TRMT11: variants seen among roughly 807,000 people sequenced by gnomAD.
TRMT11 encodes tRNA methyltransferase 11, also known as tRNA (guanine(10)-N(2))-methyltransferase TRMT11.
TRMT11 carries 53 observed loss-of-function variants against 62.8 expected under a neutral mutation model. That is an observed-to-expected ratio of 0.84 (90% confidence interval 0.68 to 1.06). The LOEUF (loss-of-function observed/expected upper bound fraction) is 1.06. TRMT11 is among the 50% of genes least tolerant of loss of function. TRMT11 has a pLI of 0.00. For synonymous variants in TRMT11, 188 were observed against 190.3 expected (o/e 0.99, Z 0.10); for missense variants, 556 against 553.4 (o/e 1.00, Z -0.05).
intron 17 of TRMT11, among the ~76,000 whole-genome samples, chr6:126,059,570 A>G (rs1344235283): frequency 6.6e-6 from 1 of 152,236 alleles, no homozygotes; most frequent in Non-Finnish European, 1.5e-5. Flanking sequence ...ACATTGTGAT[A>G]AGTGCATTTT....
At chr6:126,020,473 T>G (rs1795657501) in intron 11 of TRMT11, among the ~76,000 whole-genome samples, 1 of 152,162 alleles carries the variant, frequency 6.6e-6, no homozygotes, top group Admixed American at 6.5e-5. Context: ...TTTCTAGACA[T>G]TGTCATCATC....
chr6:126,202,494 G>C (rs905342764), downstream of TRMT11, among the ~76,000 whole-genome samples: 1 of 152,090 alleles, frequency 6.6e-6, no homozygotes, highest in Non-Finnish European at 1.5e-5. Flanking sequence ...ACCACAAAAA[G>C]CTTTGGCTTG....
intron 21 of TRMT11, among the ~76,000 whole-genome samples, chr6:126,143,807 G>A (rs1007893008): frequency 6.6e-6 from 1 of 152,080 alleles, no homozygotes; most frequent in Non-Finnish European, 1.5e-5. Context: ...TAAGCTTTGT[G>A]CTGATAAGTG....
chr6:126,178,327 T>C (rs1401885227), intron 1 of TRMT11, among the ~76,000 whole-genome samples: 1 of 152,022 alleles, frequency 6.6e-6, no homozygotes, highest in Non-Finnish European at 1.5e-5. Flanking sequence ...TGTGGGAGAG[T>C]TCTGAAGGGC....
chr6:126,215,625 G>C, the TRMT11 span, among the ~76,000 whole-genome samples: 1 of 151,778 alleles, frequency 6.6e-6, no homozygotes, highest in Non-Finnish European at 1.5e-5. Context: ...GCTGATTCCT[G>C]GTTTTTTATC....
intron 21 of TRMT11, among the ~76,000 whole-genome samples, chr6:126,152,935 G>A (rs1218616689): frequency 6.6e-6 from 1 of 152,178 alleles, no homozygotes; most frequent in Non-Finnish European, 1.5e-5. Context: ...GGTTTTCAGA[G>A]ACCCGGAGTC....
At chr6:126,119,058 C>T (rs377249060) in intron 21 of TRMT11, among the ~76,000 whole-genome samples, 2 of 152,040 alleles carry the variant, frequency 1.3e-5, no homozygotes, top group Admixed American at 1.3e-4. Flanking sequence ...GATCCAAATC[C>T]CTGGGTCCAA....
At chr6:126,089,684 G>T (rs1484156358) in intron 17 of TRMT11, among the ~76,000 whole-genome samples, 1 of 151,794 alleles carries the variant, frequency 6.6e-6, no homozygotes, top group East Asian at 1.9e-4. Context: ...CAAGGGTGAT[G>T]GAAAAAAAAT....
chr6:126,270,034 A>G, the TRMT11 span, among the ~76,000 whole-genome samples: 1 of 152,212 alleles, frequency 6.6e-6, no homozygotes, highest in Non-Finnish European at 1.5e-5. Context: ...TCAAAATGGA[A>G]GTAAAATCAA....
chr6:126,248,079 A>C, the TRMT11 span, among the ~76,000 whole-genome samples: 2 of 152,066 alleles, frequency 1.3e-5, no homozygotes, highest in Non-Finnish European at 2.9e-5. Context: ...TATGACTACA[A>C]CCTATAAGTA....
At chr6:126,022,101 C>A (rs1795917826) in intron 12 of TRMT11, among the ~76,000 whole-genome samples, 1 of 139,554 alleles carries the variant, frequency 7.2e-6, no homozygotes. Flanking sequence ...CCTCTTTCAC[C>A]CAGGCAATCT....
At chr6:126,241,748 T>A in the TRMT11 span, among the ~76,000 whole-genome samples, 1 of 152,214 alleles carries the variant, frequency 6.6e-6, no homozygotes, top group Non-Finnish European at 1.5e-5. Context: ...ACAACAATGC[T>A]TCATACTAAA....
At chr6:126,266,314 A>C in the TRMT11 span, among the ~76,000 whole-genome samples, 1 of 152,166 alleles carries the variant, frequency 6.6e-6, no homozygotes, top group African/African-American at 2.4e-5. Context: ...TGAACTTTTA[A>C]TATATGACTA....
At position 125,999,572 on chromosome 6, in the gene TRMT11, T is replaced by C. The variant is rs745553153; in HGVS notation, c.638T>C (p.Val213Ala). Residue 213 changes from valine to alanine, a missense_variant, in exon 7 of 13, where the codon GTG (valine) becomes GCG (alanine). Transcript: ENST00000334379. ...LSFIMANHGKVKENDIVFDPF... is the reference protein window; with the variant it reads ...LSFIMANHGKAKENDIVFDPF... ...TTCATTATGGCTAACCATGGAAAAG[T>C]GAAAGAAAATGATATTGTCTTTGAT... 4 of 1,611,924 alleles carry C rather than the reference T, an allele frequency of 2.5e-6. No homozygotes were observed. In the East Asian group the frequency reaches 8.9e-5, roughly 36 times the overall value.
chr6:126,146,508 A>T (rs1399370890), intron 21 of TRMT11, among the ~76,000 whole-genome samples: 1 of 151,660 alleles, frequency 6.6e-6, no homozygotes, highest in African/African-American at 2.4e-5. Context: ...TGTTGTGATG[A>T]CTAAATGAAA....
At chr6:126,091,853 G>A (rs1234367961) in intron 17 of TRMT11, among the ~76,000 whole-genome samples, 1 of 152,074 alleles carries the variant, frequency 6.6e-6, no homozygotes, top group Non-Finnish European at 1.5e-5. Context: ...GTCTTTTCTG[G>A]CCGTAAAATC....
intron 1 of TRMT11, among the ~76,000 whole-genome samples, chr6:126,177,920 C>T (rs529945167): frequency 2.0e-5 from 3 of 152,230 alleles, no homozygotes; most frequent in Admixed American, 6.5e-5. Context: ...TTCCCTTAAG[C>T]CCTCTGGCTG....
intron 12 of TRMT11, among the ~76,000 whole-genome samples, chr6:126,032,706 G>A (rs1271569896): frequency 6.6e-6 from 1 of 152,096 alleles, no homozygotes; most frequent in Admixed American, 6.6e-5. Flanking sequence ...GATGTACATT[G>A]TTTAATGTCT....
intron 1 of TRMT11, among the ~76,000 whole-genome samples, chr6:126,182,660 A>G (rs900143391): frequency 6.6e-6 from 1 of 151,932 alleles, no homozygotes; most frequent in Non-Finnish European, 1.5e-5. Flanking sequence ...ATACTATACT[A>G]CATTTCCTCC....
Sources: gnomAD v4.1 joint callset for allele counts (sites outside exome capture counted in the v4.1 genomes callset) on GRCh38, gnomAD v4.1.1 for gene constraint, MANE v1.5 for transcripts, NCBI Gene and HGNC (gene_info 2026-07-23, HGNC 2026-07-21) for gene names.